Variants in LIMCH1 observed in about 807,000 individuals in gnomAD.
LIMCH1 encodes the protein LIM and calponin homology domains 1.
In LIMCH1, 113 loss-of-function variants were observed where a neutral mutation model predicts 176.5. The observed-to-expected ratio is 0.64, with a 90% CI of 0.55 to 0.75. LIMCH1 has a LOEUF of 0.75. Among genes scored for constraint, LIMCH1 ranks in the 30% least tolerant of loss-of-function variants. The pLI, the probability that LIMCH1 is intolerant of heterozygous loss-of-function variation, is 0.00. For synonymous variants in LIMCH1, 619 were observed against 645.9 expected (o/e 0.96, Z 0.63); for missense variants, 1,674 against 1,814.9 (o/e 0.92, Z 1.41).
intron 1 of LIMCH1, among the ~76,000 whole-genome samples, chr4:41,452,990 CCTG>C (rs1373816295): frequency 6.6e-6 from 1 of 152,100 alleles, no homozygotes; most frequent in Non-Finnish European, 1.5e-5. Flanking sequence ...TACTTCAGTG[CCTG>C]CTGTGTTCTG....
intron 1 of LIMCH1, among the ~76,000 whole-genome samples, chr4:41,382,964 GTA>G (rs1360256402): frequency 6.6e-6 from 1 of 152,110 alleles, no homozygotes; most frequent in Non-Finnish European, 1.5e-5. Flanking sequence ...CTATCTTTTG[GTA>G]TTTTTTAAGA....
intron 1 of LIMCH1, chr4:41,389,431 G>T: frequency 5.0e-6 from 1 of 200,604 alleles, no homozygotes; most frequent in East Asian, 1.2e-4. Context: ...TGTCAGCATT[G>T]CCTGACAAAT....
At chr4:41,418,682 G>A (rs2060157050) in intron 1 of LIMCH1, 1 of 152,210 alleles carries the variant, frequency 6.6e-6, no homozygotes, top group Non-Finnish European at 1.5e-5. Context: ...CACTGGCCCA[G>A]ACGTTTGCAG....
At position 41,510,846 on chromosome 4, in the gene LIMCH1, C is replaced by A. The variant is rs537184316; in HGVS notation, c.168-13563C>A. Among the ~76,000 whole-genome samples, 4 of 152,280 alleles carry A rather than the reference C, an allele frequency of 2.6e-5. No individual in the cohort carries two copies. The South Asian group carries it at 8.3e-4, about 32-fold the overall frequency. The stretch of plus-strand genomic sequence containing the variant: ...TCAGGTGATCCGCCCACCTCGGCCT[C>A]CCAAAGTGCTGGGATTAAAGGTGTG... On this transcript the variant is annotated intron_variant, in intron 2 of 26. Transcript: ENST00000313860.
At chr4:41,680,119 A>T in intron 24 of LIMCH1, 21 bp downstream of exon 24, 1 of 1,526,142 alleles carries the variant, frequency 6.6e-7, no homozygotes, top group Non-Finnish European at 9.0e-7. Context: ...CCCAAGAAGG[A>T]ATTTGACCTT....
intron 1 of LIMCH1, among the ~76,000 whole-genome samples, chr4:41,422,552 A>T (rs1467605860): frequency 6.6e-6 from 1 of 152,066 alleles, no homozygotes; most frequent in Non-Finnish European, 1.5e-5. Context: ...TAAAAGAAAA[A>T]ATTTACTTCA....
intron 1 of LIMCH1, among the ~76,000 whole-genome samples, chr4:41,467,680 T>C (rs554942574): frequency 6.6e-6 from 1 of 152,316 alleles, no homozygotes; most frequent in East Asian, 1.9e-4. Context: ...TCATATCCAC[T>C]GAGTATCTTT....
intron 1 of LIMCH1, among the ~76,000 whole-genome samples, chr4:41,383,871 G>A (rs1427155174): frequency 1.3e-5 from 2 of 152,134 alleles, no homozygotes; most frequent in East Asian, 3.9e-4. Flanking sequence ...ATAGAAAGAG[G>A]AACCTGCAGA....
intron 1 of LIMCH1, among the ~76,000 whole-genome samples, chr4:41,453,026 A>G (rs963985504): frequency 2.6e-5 from 4 of 151,944 alleles, no homozygotes; most frequent in African/African-American, 9.7e-5. Context: ...CACCCTTCTT[A>G]CTTGATGATA....
intron 18 of LIMCH1, among the ~76,000 whole-genome samples, chr4:41,654,438 A>G (rs2094406400): frequency 6.6e-6 from 1 of 152,122 alleles, no homozygotes; most frequent in Non-Finnish European, 1.5e-5. Flanking sequence ...CTAAACTATG[A>G]TGTTTGGTAA....
intron 1 of LIMCH1, among the ~76,000 whole-genome samples, chr4:41,440,845 A>G (rs575933362): frequency 6.6e-6 from 1 of 152,196 alleles, no homozygotes; most frequent in East Asian, 1.9e-4. Context: ...ATAGTCTACT[A>G]TTGATAATAT....
chr4:41,515,324 T>C (rs2152379771), intron 2 of LIMCH1, among the ~76,000 whole-genome samples: 1 of 152,364 alleles, frequency 6.6e-6, no homozygotes, highest in Non-Finnish European at 1.5e-5. Context: ...GCCTTCCGCC[T>C]GTCCAGAGAC....
At chr4:41,547,391 T>C (rs1262322965) in intron 1 of LIMCH1, among the ~76,000 whole-genome samples, 2 of 152,050 alleles carry the variant, frequency 1.3e-5, no homozygotes, top group East Asian at 3.9e-4. Flanking sequence ...AGATTCCAAG[T>C]ATAAGTGAGA....
intron 1 of LIMCH1, among the ~76,000 whole-genome samples, chr4:41,553,845 T>C (rs1398001008): frequency 6.6e-6 from 1 of 152,170 alleles, no homozygotes; most frequent in Non-Finnish European, 1.5e-5. Context: ...CTACTATGTA[T>C]TGCATACCTA....
chr4:41,612,857 T>C, intron 4 of LIMCH1: 16 of 1,359,126 alleles, frequency 1.2e-5, no homozygotes, highest in African/African-American at 2.9e-5. Context: ...CTTTCTTTTT[T>C]TTTTTTTTTT....
chr4:41,584,381 G>T (rs1031054129), intron 1 of LIMCH1, among the ~76,000 whole-genome samples: 6 of 152,302 alleles, frequency 3.9e-5, no homozygotes, highest in African/African-American at 1.4e-4. Flanking sequence ...ATTTGAATAT[G>T]ATGTGAAAAT....
Position 41,646,678 on chromosome 4 carries a change from A to G in LIMCH1, c.2605A>G (p.Asn869Asp). The G allele has an allele frequency of 6.2e-7, 1 of 1,614,210 alleles. No individual in the cohort carries two copies. The highest frequency in any genetic ancestry group is 8.5e-7 in the Non-Finnish European group (1 of 1,180,038). The change falls in exon 17 of 32, where the codon AAT becomes GAT. Residue 869 changes from asparagine to aspartate, a missense_variant. Asn to Asp is a conservative substitution (Grantham distance 23). Around this residue, in one of 3 missense-constraint regions of LIMCH1, gnomAD observed 1,015 missense variants for 1,102.5 expected, o/e 0.92. Coordinates refer to ENST00000503057, the MANE Select transcript of LIMCH1 (RefSeq NM_001330672.2). ...PNLSSFLNDP[N>D]PMKYLRQQSL... ...TTTATCCTCCTTCCTGAATGACCCC[A>G]ATCCCATGAAATACCTGCGGCAACA...
At chr4:41,525,400 T>G (rs1246655097) in intron 3 of LIMCH1, among the ~76,000 whole-genome samples, 1 of 152,188 alleles carries the variant, frequency 6.6e-6, no homozygotes, top group Non-Finnish European at 1.5e-5. Context: ...CCTTACTGAT[T>G]GTTGTTAAAA....
chr4:41,697,551 G>A lies in LIMCH1; in HGVS notation c.*366G>A. On this transcript the variant is annotated 3_prime_UTR_variant, in exon 32 of 32. Coordinates refer to ENST00000503057, the MANE Select transcript of LIMCH1 (RefSeq NM_001330672.2). The stretch of plus-strand genomic sequence containing the variant: ...AACCTGTTTTGTTTTAGAATGTCTA[G>A]GAATTAAACACTTTATGTTTACAGA... The A allele has an allele frequency of 4.5e-6, 1 of 222,058 alleles. No individual in the cohort carries two copies. The highest frequency in any genetic ancestry group is 8.8e-6 in the Non-Finnish European group (1 of 113,434). 13.8% of individuals were successfully genotyped at this position (222,058 alleles called of 1,614,324 possible). A position where few individuals can be genotyped will look rare whatever the true frequency, so the allele number is the denominator to read the frequency against.
Sources: gnomAD v4.1 joint callset for allele counts (sites outside exome capture counted in the v4.1 genomes callset) on GRCh38, gnomAD v4.1.1 for gene constraint, gnomAD v4.1.1 regional missense constraint, MANE v1.5 for transcripts, NCBI Gene and HGNC (gene_info 2026-07-23, HGNC 2026-07-21) for gene names.